The following WIPF2 variants were observed in gnomAD, a reference collection of about 807,000 sequenced individuals.
WIPF2 encodes WAS/WASL interacting protein family member 2.
A neutral mutation model predicts 38.8 loss-of-function variants in WIPF2; 23 were observed. The observed-to-expected ratio is 0.59, with a 90% CI of 0.43 to 0.84. The LOEUF (loss-of-function observed/expected upper bound fraction) is 0.84, where lower values mean the gene tolerates loss of function less well. WIPF2 is among the 40% of genes least tolerant of loss of function. The pLI, the probability that WIPF2 is intolerant of heterozygous loss-of-function variation, is 0.00. For synonymous variants in WIPF2, 210 were observed against 223.2 expected, an observed-to-expected ratio of 0.94 and a Z score of 0.53; for missense variants, 574 against 580.5, an observed-to-expected ratio of 0.99 and a Z score of 0.11.
chr17:40,252,772 T>G (rs1330424165), intron 1 of WIPF2, among the ~76,000 whole-genome samples: 1 of 151,898 alleles, frequency 6.6e-6, no homozygotes, highest in African/African-American at 2.4e-5. Context: ...TTGTTTGGTT[T>G]TTTTTTTTGA....
chr17:40,247,515 G>A (rs548440535), intron 1 of WIPF2, among the ~76,000 whole-genome samples: 102 of 147,668 alleles, frequency 6.9e-4, no homozygotes, highest in Non-Finnish European at 1.3e-3. Context: ...CAACGCGCCT[G>A]GCCTTTTTTT....
intron 5 of WIPF2, among the ~76,000 whole-genome samples, chr17:40,267,553 GT>G (rs1272672439): frequency 6.6e-6 from 1 of 152,062 alleles, no homozygotes; most frequent in Non-Finnish European, 1.5e-5. Flanking sequence ...GTTTGTTTGT[GT>G]TTTGAGACAG....
chr17:40,229,367 A>G lies in WIPF2; in HGVS notation c.-70+9875A>G, dbSNP rs542176459. ...GGTGATCCGCCCACCTCGGCGTCCC[A>G]AAGTGCTGGGATAACAGGTGTGAGC... On this transcript the variant is annotated intron_variant, in intron 1 of 7. Transcript: ENST00000323571. Among the ~76,000 whole-genome samples, 460 of 152,186 alleles carry G rather than the reference A, an allele frequency of 3.0e-3. 1 individual carries two copies. The highest frequency in any genetic ancestry group is 9.7e-3 in the African/African-American group (403 of 41,508).
At chr17:40,274,733 A>G (rs1567725978) in intron 6 of WIPF2, among the ~76,000 whole-genome samples, 1 of 151,458 alleles carries the variant, frequency 6.6e-6, no homozygotes, top group Admixed American at 6.6e-5. Flanking sequence ...CTTTTAGCCC[A>G]GGAACTCAAG....
intron 1 of WIPF2, among the ~76,000 whole-genome samples, chr17:40,223,599 GTTTT>G (rs527827847): frequency 3.1e-5 from 4 of 130,308 alleles, no homozygotes; most frequent in Non-Finnish European, 4.9e-5. Flanking sequence ...TTTTTTTTGG[GTTTT>G]TTTTTTTTTT....
chr17:40,227,302 G>A (rs1019604063), intron 1 of WIPF2, among the ~76,000 whole-genome samples: 1 of 152,120 alleles, frequency 6.6e-6, no homozygotes, highest in South Asian at 2.1e-4. Flanking sequence ...GCCTTCCAAA[G>A]TGCTGGGATT....
Position 40,278,340 on chromosome 17 carries a change from A to T in WIPF2, c.*115A>T. The T allele has an allele frequency of 2.4e-6, 3 of 1,260,760 alleles. No individual in the cohort carries two copies. The highest frequency in any genetic ancestry group is 3.4e-6 in the Non-Finnish European group (3 of 890,590). The allele number at this position is 1,260,760 out of a possible 1,614,324, so 78.1% of individuals were successfully genotyped here. On this transcript the variant is annotated 3_prime_UTR_variant, in exon 8 of 8. Coordinates refer to ENST00000323571, the MANE Select transcript of WIPF2 (RefSeq NM_133264.5). ...GCTCCTAACATGTTTCTCCAATGCA[A>T]TCAAGCCCTAGACTCCAAATGTCCT...
chr17:40,275,262 CAAAA>C (rs1479743906), intron 6 of WIPF2, among the ~76,000 whole-genome samples: 136 of 129,850 alleles, frequency 1.0e-3, no homozygotes, highest in Middle Eastern at 4.1e-3. Context: ...AAAAAAAAAA[CAAAA>C]CCCAAAACAT....
At chr17:40,224,406 ATTTTTTTT>A (rs67838907) in intron 1 of WIPF2, among the ~76,000 whole-genome samples, 2 of 89,106 alleles carry the variant, frequency 2.2e-5, no homozygotes, top group Middle Eastern at 7.1e-3. Context: ...GATTTTTTGT[ATTTTTTTT>A]TTTTTTTTTT....
At position 40,223,495 on chromosome 17, in the gene WIPF2, C is replaced by T. The variant is rs895579715; in HGVS notation, c.-70+4003C>T. On this transcript the variant is annotated intron_variant, in intron 1 of 7. Transcript: ENST00000323571. ...TTTCAGGTTTTACTGATGGCTTTTA[C>T]GAAGGGAAGAGATTCTAGACTCACT... Among the ~76,000 whole-genome samples the T allele has an allele frequency of 7.4e-5, 11 of 147,696 alleles. 1 individual carries two copies. The highest frequency in any genetic ancestry group is 2.1e-4 in the South Asian group (1 of 4,724).
chr17:40,272,280 A>G (rs1460111813), intron 5 of WIPF2, among the ~76,000 whole-genome samples: 1 of 152,006 alleles, frequency 6.6e-6, no homozygotes, highest in Non-Finnish European at 1.5e-5. Context: ...CGGCCTCCCA[A>G]AGTGCTGGGA....
chr17:40,248,606 CTCTT>C (rs1360872475), intron 1 of WIPF2, among the ~76,000 whole-genome samples: 1 of 152,210 alleles, frequency 6.6e-6, no homozygotes, highest in African/African-American at 2.4e-5. Context: ...CTGCCTGACT[CTCTT>C]TCTACCAAAC....
rs377057695 is a variant in WIPF2, at chr17:40,249,066, G to C, written c.-69-7325G>C. Among the ~76,000 whole-genome samples, 12 of 152,182 alleles carry C rather than the reference G, an allele frequency of 7.9e-5. 1 individual carries two copies. In the East Asian group the frequency reaches 2.1e-3, roughly 27 times the overall value. ...TGATACAAAAACTGTAATTTACTTT[G>C]TAGTCAAAACTGAGATCAAAGGAAA... is the stretch of plus-strand genomic sequence containing the variant. On this transcript the variant is annotated intron_variant, in intron 1 of 7. Coordinates refer to ENST00000323571, the MANE Select transcript of WIPF2 (RefSeq NM_133264.5).
At chr17:40,249,976 G>T (rs1278232947) in intron 1 of WIPF2, among the ~76,000 whole-genome samples, 14 of 151,360 alleles carry the variant, frequency 9.2e-5, no homozygotes, top group Admixed American at 6.6e-5. Context: ...GGGACTACAG[G>T]CACCTGCCAC....
At chr17:40,226,371 T>C (rs1338971255) in intron 1 of WIPF2, among the ~76,000 whole-genome samples, 1 of 151,330 alleles carries the variant, frequency 6.6e-6, no homozygotes, top group African/African-American at 2.4e-5. Flanking sequence ...ACCCGGCTAA[T>C]TTAATTTTTT....
intron 6 of WIPF2, among the ~76,000 whole-genome samples, chr17:40,276,099 A>G (rs1014736926): frequency 2.0e-5 from 3 of 152,244 alleles, no homozygotes; most frequent in Non-Finnish European, 4.4e-5. Context: ...TGAAGGTAAC[A>G]TGGACTGAAA....
At chr17:40,261,657 T>G (rs2031904186) in intron 3 of WIPF2, among the ~76,000 whole-genome samples, 1 of 148,906 alleles carries the variant, frequency 6.7e-6, no homozygotes, top group Admixed American at 6.7e-5. Context: ...GATCGGCCAC[T>G]TGTTGTTGTT....
At chr17:40,268,718 A>G (rs1460984646) in intron 5 of WIPF2, among the ~76,000 whole-genome samples, 1 of 152,164 alleles carries the variant, frequency 6.6e-6, no homozygotes, top group African/African-American at 2.4e-5. Flanking sequence ...GATGTGAGCA[A>G]TTGTACCTGG....
chr17:40,226,190 A>T (rs888324139), intron 1 of WIPF2, among the ~76,000 whole-genome samples: 2 of 126,494 alleles, frequency 1.6e-5, no homozygotes, highest in African/African-American at 6.8e-5. Context: ...GATAGTTGGT[A>T]AAAAAAAAAA....
Sources: gnomAD v4.1 joint callset for allele counts (sites outside exome capture counted in the v4.1 genomes callset) on GRCh38, gnomAD v4.1.1 for gene constraint, MANE v1.5 for transcripts, NCBI Gene and HGNC (gene_info 2026-07-23, HGNC 2026-07-21) for gene names.